A4GALT: variants seen among roughly 807,000 people sequenced by gnomAD.
A4GALT encodes the protein lactosylceramide 4-alpha-galactosyltransferase.
For synonymous variants in A4GALT, 257 were observed against 220.7 expected, an observed-to-expected ratio of 1.16 and a Z score of -1.46; for missense variants, 512 against 486.0, an observed-to-expected ratio of 1.05 and a Z score of -0.50.
At chr22:42,720,347 C>T (rs1664565734) in intron 1 of A4GALT, among the ~76,000 whole-genome samples, 1 of 147,992 alleles carries the variant, frequency 6.8e-6, no homozygotes, top group African/African-American at 2.5e-5. Context: ...CCATCCCCGT[C>T]CCCGGTCGCA....
intron 1 of A4GALT, among the ~76,000 whole-genome samples, chr22:42,700,507 G>C (rs1931227538): frequency 6.6e-6 from 1 of 150,982 alleles, no homozygotes; most frequent in African/African-American, 2.5e-5. Flanking sequence ...ACCACGACTG[G>C]ATACTGCTGT....
rs535098395 is a variant in A4GALT, at chr22:42,693,689, G to C, written c.263C>G (p.Thr88Ser). The change falls in exon 3 of 3, where the codon ACC becomes AGC. Residue 88 changes from threonine (T) to serine (S), a missense_variant. Thr to Ser is a moderately conservative substitution (Grantham distance 58). Coordinates refer to ENST00000642412, the MANE Select transcript of A4GALT (RefSeq NM_017436.7). ...NIFFLETSDR[T>S]NPNFLFMCSV... ...GCACATGAACAGGAAGTTGGGGTTG[G>C]TCCGGTCTGAAGTCTCCAGGAAGAA... is the stretch of plus-strand genomic sequence containing the variant. 4 of 1,610,572 alleles carry C rather than the reference G, an allele frequency of 2.5e-6. No individual in the cohort carries two copies. The South Asian group carries it at 4.4e-5, about 18-fold the overall frequency.
At chr22:42,707,775 CAGAA>C (rs1427560704) in intron 1 of A4GALT, among the ~76,000 whole-genome samples, 5 of 151,968 alleles carry the variant, frequency 3.3e-5, no homozygotes, top group African/African-American at 1.2e-4. Flanking sequence ...ACAATTAAAA[CAGAA>C]AGGATAAAAA....
chr22:42,716,905 G>T (rs1922232220), intron 1 of A4GALT, among the ~76,000 whole-genome samples: 1 of 152,214 alleles, frequency 6.6e-6, no homozygotes, highest in Admixed American at 6.5e-5. Flanking sequence ...AACAGGTGAA[G>T]ACAGACACTC....
At chr22:42,703,457 T>C (rs1920942008) in intron 1 of A4GALT, among the ~76,000 whole-genome samples, 1 of 152,044 alleles carries the variant, frequency 6.6e-6, no homozygotes. Context: ...GGTTTCACCA[T>C]CTTGGCCAGG....
Position 42,692,858 on chromosome 22 carries a change from G to A in A4GALT, c.*32C>T, listed in dbSNP as rs758270020. On this transcript the variant is annotated 3_prime_UTR_variant, in exon 3 of 3. Transcript: ENST00000642412. The surrounding 1 kb of genome is among the most constrained non-coding windows in gnomAD (Gnocchi z 4.6). ...GAAGGGCGGCCCAGTGCCCCATCAGGAGCAGGTTGGGGAGGTGACCTGGCG... is the reference window on the plus strand; with the variant it reads ...GAAGGGCGGCCCAGTGCCCCATCAGAAGCAGGTTGGGGAGGTGACCTGGCG... 12 of 1,597,872 alleles carry A rather than the reference G, an allele frequency of 7.5e-6. No homozygotes were observed. In the African/African-American group the frequency reaches 1.2e-4, roughly 16 times the overall value.
intron 1 of A4GALT, among the ~76,000 whole-genome samples, chr22:42,715,212 T>C (rs1446388734): frequency 6.6e-6 from 1 of 152,060 alleles, no homozygotes; most frequent in Admixed American, 6.6e-5. Context: ...TACCATAAAT[T>C]CCAAGGCAAC....
chr22:42,699,124 C>T (rs1471248816), intron 1 of A4GALT, among the ~76,000 whole-genome samples: 2 of 151,936 alleles, frequency 1.3e-5, no homozygotes, highest in Non-Finnish European at 2.9e-5. Flanking sequence ...TGCTCTGTCG[C>T]CCAGGCTGGA....
chr22:42,718,849 G>A (rs1051952917), intron 1 of A4GALT, among the ~76,000 whole-genome samples: 1 of 152,200 alleles, frequency 6.6e-6, no homozygotes, highest in Admixed American at 6.5e-5. Flanking sequence ...GGTCCCCAAA[G>A]AAGGAGGCAG....
Position 42,714,952 on chromosome 22 carries a change from A to T in A4GALT, c.-188+5845T>A, listed in dbSNP as rs200858260. ...CAGGGAACACACTGTGGGGCCCTGG[A>T]GTAAGTGACTCAGGGAGGAGGAAGA... On this transcript the variant is annotated intron_variant, in intron 1 of 2. Coordinates refer to ENST00000642412, the MANE Select transcript of A4GALT (RefSeq NM_017436.7). Among the ~76,000 whole-genome samples the T allele has an allele frequency of 2.6e-5, 4 of 151,392 alleles. 1 individual carries two copies. In the East Asian group the frequency reaches 7.8e-4, roughly 29 times the overall value.
chr22:42,707,431 G>A (rs946518730), intron 1 of A4GALT, among the ~76,000 whole-genome samples: 6 of 151,756 alleles, frequency 4.0e-5, no homozygotes, highest in Non-Finnish European at 7.4e-5. Flanking sequence ...CGAGGCAGTC[G>A]GATCAGTTAA....
intron 1 of A4GALT, among the ~76,000 whole-genome samples, chr22:42,701,597 C>T (rs531632715): frequency 4.6e-5 from 7 of 152,300 alleles, no homozygotes; most frequent in South Asian, 4.1e-4. Context: ...TACCCTGCAC[C>T]CATTCATCCT....
intron 1 of A4GALT, among the ~76,000 whole-genome samples, chr22:42,720,203 G>A (rs1024457343): frequency 8.5e-5 from 13 of 152,158 alleles, no homozygotes; most frequent in Admixed American, 8.5e-4. Context: ...CTCGCCCCGT[G>A]CCCAGCTCGT....
intron 1 of A4GALT, among the ~76,000 whole-genome samples, chr22:42,706,927 AT>A (rs1335789721): frequency 6.6e-6 from 1 of 152,196 alleles, no homozygotes; most frequent in African/African-American, 2.4e-5. Flanking sequence ...AAGAAGGGCA[AT>A]TTATTATGCT....
chr22:42,716,853 G>T (rs1449826037), intron 1 of A4GALT, among the ~76,000 whole-genome samples: 3 of 152,170 alleles, frequency 2.0e-5, no homozygotes, highest in Admixed American at 2.0e-4. Flanking sequence ...GATGATCAGG[G>T]CTCTCTGGGT....
In A4GALT at chr22:42,710,938, T is replaced by C. The variant is rs147740362; in HGVS notation, c.-188+9859A>G. 1.4e-4 allele frequency among the ~76,000 whole-genome samples: 21 copies of C among 151,718 alleles called. No individual in the cohort carries two copies. In the East Asian group the frequency reaches 4.1e-3, roughly 29 times the overall value. The stretch of plus-strand genomic sequence containing the variant: ...TACTCAGGAGGCTGAGGCGAGAGAA[T>C]TGCTTGAACCTGAGGGATGGAGGTT... On this transcript the variant is annotated intron_variant, in intron 1 of 2. Transcript: ENST00000642412.
At chr22:42,720,319 C>T (rs923449317) in intron 1 of A4GALT, among the ~76,000 whole-genome samples, 1 of 99,484 alleles carries the variant, frequency 1.0e-5, no homozygotes, top group Non-Finnish European at 2.2e-5. Flanking sequence ...GGCAGAGCCC[C>T]CTCCTGCCGG....
intron 1 of A4GALT, among the ~76,000 whole-genome samples, chr22:42,709,686 AG>A (rs1376132903): frequency 3.3e-5 from 5 of 152,124 alleles, no homozygotes; most frequent in Admixed American, 3.3e-4. Context: ...GCTACTTAGG[AG>A]GCTGAGATAC....
At position 42,693,505 on chromosome 22, in the gene A4GALT, C is replaced by A; in HGVS notation, c.447G>T (p.Leu149=). The A allele has an allele frequency of 3.7e-6, 6 of 1,613,220 alleles. No individual in the cohort carries two copies. The highest frequency in any genetic ancestry group is 1.3e-5 in the African/African-American group (1 of 75,064). Residue 149 remains leucine, a synonymous_variant, in exon 3 of 3, where the codon CTG becomes CTT. Transcript: ENST00000642412. ...VQMLPLDLRE[L]FRDTPLADWY... ...AGTCGGCCAGGGGTGTGTCCCGGAA[C>A]AGCTCCCGCAGGTCCAGCGGGAGCA...
Sources: gnomAD v4.1 joint callset for allele counts (sites outside exome capture counted in the v4.1 genomes callset) on GRCh38, gnomAD v4.1.1 for gene constraint, Gnocchi (gnomAD v3.1) non-coding constraint, MANE v1.5 for transcripts, NCBI Gene and HGNC (gene_info 2026-07-23, HGNC 2026-07-21) for gene names.